BORCS8: variants seen among roughly 807,000 people sequenced by gnomAD.
BORCS8 encodes the protein BLOC-1-related complex subunit 8.
In BORCS8, 13 loss-of-function variants were observed where a neutral mutation model predicts 18.7. The observed-to-expected ratio is 0.70, with a 90% CI of 0.45 to 1.11. The LOEUF is 1.11. Ranked by LOEUF, BORCS8 falls within the 50% of genes least tolerant of loss-of-function variation. BORCS8 has a pLI of 0.00. For missense variants in BORCS8, 165 were observed against 165.7 expected (o/e 1.00, Z 0.02); for synonymous variants, 68 against 64.8 (o/e 1.05, Z -0.24).
chr19:19,177,679 A>AG (rs1568561691), intron 5 of BORCS8: 3 of 91,424 alleles, frequency 3.3e-5, no homozygotes, highest in African/African-American at 1.4e-4. Context: ...GAAGGAAGGA[A>AG]GGAAGGAAGG....
intron 4 of BORCS8, among the ~76,000 whole-genome samples, chr19:19,181,063 C>T (rs1263875077): frequency 4.6e-5 from 7 of 152,074 alleles, no homozygotes; most frequent in African/African-American, 7.2e-5. Context: ...GGTGTGGTGG[C>T]AGGCGCCTGT....
At position 19,182,581 on chromosome 19, in the gene BORCS8, C is replaced by G. The variant is rs1429768952; in HGVS notation, c.318G>C (p.Gln106His). The G allele has an allele frequency of 1.3e-6, 2 of 1,550,878 alleles. No individual in the cohort carries two copies. Among genetic ancestry groups the G allele is most frequent in the South Asian group, 2.4e-5 (2 of 84,036 alleles). ...SIRDHMNASA[Q>H]GHSPEEPPPP... The stretch of plus-strand genomic sequence containing the variant: ...GCGGTCCCAGGAGCTACCTGTGGCC[C>G]TGGGCACTGGCATTCATATGGTCCC... Residue 106 changes from glutamine to histidine, a missense_variant, in exon 4 of 6, where the codon CAG becomes CAC. Gln to His is a conservative substitution (Grantham distance 24, BLOSUM62 0). Transcript: ENST00000462790. The surrounding 1 kb of genome is among the most constrained non-coding windows in gnomAD (Gnocchi z 4.1).
chr19:19,183,055 G>A (rs2060365313), intron 3 of BORCS8, among the ~76,000 whole-genome samples: 1 of 152,208 alleles, frequency 6.6e-6, no homozygotes. Context: ...GCAAGAGGAT[G>A]GCTTGAGCCC....
intron 3 of BORCS8, among the ~76,000 whole-genome samples, chr19:19,183,364 C>T (rs539423770): frequency 2.3e-4 from 35 of 150,596 alleles, no homozygotes; most frequent in East Asian, 2.0e-3. Flanking sequence ...GGGCTGAGAT[C>T]GCGCCACTGC....
intron 3 of BORCS8, 122 bp downstream of exon 3, chr19:19,185,912 C>T (rs1188607097): frequency 7.1e-6 from 7 of 982,262 alleles, no homozygotes; most frequent in South Asian, 5.8e-5. Context: ...AGACCCCATA[C>T]ACCCACTCGG....
At position 19,187,410 on chromosome 19, in the gene BORCS8, A is replaced by G. The variant is rs543710719; in HGVS notation, c.38-405T>C. Among the ~76,000 whole-genome samples, 123 of 149,498 alleles carry G rather than the reference A, an allele frequency of 8.2e-4. 1 individual carries two copies. Among genetic ancestry groups the G allele is most frequent in the African/African-American group, 2.9e-3 (119 of 40,758 alleles). Reference sequence around the variant, plus strand: ...GAAATCACTTGAATCTGGGAGGTGGAGGTTGCAGTGAGCTGACGTCATGCC... The same window carrying G: ...GAAATCACTTGAATCTGGGAGGTGGGGGTTGCAGTGAGCTGACGTCATGCC... On this transcript the variant is annotated intron_variant, in intron 1 of 5. Coordinates refer to ENST00000462790, the MANE Select transcript of BORCS8 (RefSeq NM_001145784.2).
intron 5 of BORCS8, chr19:19,177,977 G>A (rs1181354170): frequency 6.6e-6 from 1 of 152,294 alleles, no homozygotes; most frequent in Non-Finnish European, 1.5e-5. Flanking sequence ...TCTGCCTCCT[G>A]GGTTCAAGCG....
intron 1 of BORCS8, among the ~76,000 whole-genome samples, chr19:19,187,394 T>G (rs2060420177): frequency 6.6e-6 from 1 of 150,594 alleles, no homozygotes. Flanking sequence ...AGAAATCACT[T>G]GAATCTGGGA....
At chr19:19,180,922 C>T (rs534340454) in intron 4 of BORCS8, among the ~76,000 whole-genome samples, 161 bp from the exon 5 acceptor site, 11 of 152,298 alleles carry the variant, frequency 7.2e-5, no homozygotes, top group South Asian at 6.2e-4. Flanking sequence ...GGGCCAGGAA[C>T]GGTGGCTCAC....
At chr19:19,187,763 T>C (rs2146427923) in intron 1 of BORCS8, among the ~76,000 whole-genome samples, 1 of 152,018 alleles carries the variant, frequency 6.6e-6, no homozygotes, top group South Asian at 2.1e-4. Flanking sequence ...GGTCTCGATC[T>C]CCTGACCTCG....
chr19:19,181,780 T>A (rs561290550), intron 4 of BORCS8: 1 of 839,004 alleles, frequency 1.2e-6, no homozygotes, highest in Admixed American at 6.2e-5. Flanking sequence ...ACAGATGCTT[T>A]CTTTCTTTTG....
chr19:19,189,907 A>C (rs2060448946), intron 1 of BORCS8, among the ~76,000 whole-genome samples: 1 of 147,546 alleles, frequency 6.8e-6, no homozygotes. Flanking sequence ...AAAGAGTGAG[A>C]CTCTGTCCCA....
In BORCS8 at chr19:19,184,288, G is replaced by GT. The variant is rs1222591686; in HGVS notation, c.216-1606dup. Among the ~76,000 whole-genome samples the GT allele has an allele frequency of 7.8e-3, 1,093 of 140,612 alleles. 17 individuals are homozygous for GT. The highest frequency in any genetic ancestry group is 0.025 in the African/African-American group (952 of 38,286). The allele number at this position is 140,612 out of a possible 152,430, so 92.2% of individuals were successfully genotyped here. A position where few individuals can be genotyped will look rare whatever the true frequency, so the allele number is the denominator to read the frequency against. ...AGAAGAAAGCATAGGTTTTTTGTTG[G>GT]TTTTTTTTTTTCCTTTCTTTTTTTT... On this transcript the variant is annotated intron_variant, in intron 3 of 5. Transcript: ENST00000462790.
Position 19,182,003 on chromosome 19 carries a change from T to A in BORCS8, c.326+570A>T. On this transcript the variant is annotated intron_variant, in intron 4 of 5. Coordinates refer to ENST00000462790, the MANE Select transcript of BORCS8 (RefSeq NM_001145784.2). The surrounding 1 kb of genome is among the most constrained non-coding windows in gnomAD (Gnocchi z 4.1). Reference sequence around the variant, plus strand: ...CTTTTCGTTTTCAGACCCCTGGTCCTGGGCTTAAAGCCTCCCTTGGCTCTG... The same window carrying A: ...CTTTTCGTTTTCAGACCCCTGGTCCAGGGCTTAAAGCCTCCCTTGGCTCTG... 4 of 985,494 alleles carry A rather than the reference T, an allele frequency of 4.1e-6. No homozygotes were observed. Among genetic ancestry groups the A allele is most frequent in the Non-Finnish European group, 4.8e-6 (4 of 829,974 alleles). 61.0% of individuals were successfully genotyped at this position (985,494 alleles called of 1,614,324 possible). A position where few individuals can be genotyped will look rare whatever the true frequency, so the allele number is the denominator to read the frequency against.
At position 19,191,111 on chromosome 19, in the gene BORCS8, G is replaced by A. The variant is rs537333865; in HGVS notation, c.37+970C>T. 1.6e-4 allele frequency among the ~76,000 whole-genome samples: 24 copies of A among 152,218 alleles called. No homozygotes were observed. In the South Asian group the frequency reaches 5.0e-3, roughly 32 times the overall value. Reference sequence around the variant, plus strand: ...TTCACACCTGTAATCCCAGCACTTTGGGAGGCCAAGGTGGGTGGATCACTC... The same window carrying A: ...TTCACACCTGTAATCCCAGCACTTTAGGAGGCCAAGGTGGGTGGATCACTC... On this transcript the variant is annotated intron_variant, in intron 1 of 5. Coordinates refer to ENST00000462790, the MANE Select transcript of BORCS8 (RefSeq NM_001145784.2).
chr19:19,182,136 A>T lies in BORCS8; in HGVS notation c.326+437T>A, dbSNP rs1055574090. On this transcript the variant is annotated intron_variant, in intron 4 of 5. Transcript: ENST00000462790. This position sits in a 1 kb window ranked among gnomAD's most constrained non-coding sequence, Gnocchi z 4.1. ...CGGTGCTTCTCGAACACTCCCAGGG[A>T]TCCCAGCCCCAGAGCGTCTGCCCTC... 5.2e-6 allele frequency: 4 copies of T among 766,664 alleles called. No homozygotes were observed. In the African/African-American group the frequency reaches 7.5e-5, roughly 14 times the overall value. The allele number at this position is 766,664 out of a possible 1,614,324, so 47.5% of individuals were successfully genotyped here. A position where few individuals can be genotyped will look rare whatever the true frequency, so the allele number is the denominator to read the frequency against.
intron 1 of BORCS8, among the ~76,000 whole-genome samples, chr19:19,189,551 T>A (rs970595945): frequency 6.6e-6 from 1 of 152,134 alleles, no homozygotes; most frequent in Non-Finnish European, 1.5e-5. Flanking sequence ...CACCCCTGGC[T>A]CTTCCTTGGA....
intron 1 of BORCS8, 83 bp downstream of exon 1, chr19:19,191,998 C>G: frequency 6.6e-7 from 1 of 1,506,992 alleles, no homozygotes; most frequent in Non-Finnish European, 9.0e-7. Flanking sequence ...GCTCCTCGCA[C>G]GGTCCCTCCG....
intron 3 of BORCS8, among the ~76,000 whole-genome samples, chr19:19,185,052 C>A (rs1339527717): frequency 6.6e-6 from 1 of 152,216 alleles, no homozygotes; most frequent in Non-Finnish European, 1.5e-5. Flanking sequence ...TATTTCTTTT[C>A]TTTTCCTTGA....
Sources: gnomAD v4.1 joint callset for allele counts (sites outside exome capture counted in the v4.1 genomes callset) on GRCh38, gnomAD v4.1.1 for gene constraint, Gnocchi (gnomAD v3.1) non-coding constraint, MANE v1.5 for transcripts, NCBI Gene and HGNC (gene_info 2026-07-23, HGNC 2026-07-21) for gene names.